The following WDPCP variants were observed in gnomAD, a reference collection of about 807,000 sequenced individuals.
The protein encoded by WDPCP is WD repeat containing planar cell polarity effector, also known as WD repeat-containing and planar cell polarity effector protein fritz homolog.
A neutral mutation model predicts 93.1 loss-of-function variants in WDPCP; 71 were observed. The ratio of observed to expected loss-of-function variants is 0.76; its 90% CI spans 0.63 to 0.93. WDPCP has a LOEUF of 0.93. Among genes scored for constraint, WDPCP ranks in the 40% least tolerant of loss-of-function variants. The probability of loss-of-function intolerance (pLI) is 0.00; values close to 1 mark genes in which losing one functional copy is unlikely to be tolerated. For synonymous variants in WDPCP, 315 were observed against 315.0 expected, an observed-to-expected ratio of 1.00 and a Z score of 0.00; for missense variants, 844 against 887.4, an observed-to-expected ratio of 0.95 and a Z score of 0.62.
At chr2:63,460,102 G>A (rs1207879450) in intron 6 of WDPCP, among the ~76,000 whole-genome samples, 2 of 152,070 alleles carry the variant, frequency 1.3e-5, no homozygotes, top group African/African-American at 4.8e-5. Context: ...TCAACAGATC[G>A]ATGAATAAAG....
At chr2:63,263,378 C>T (rs1290636287) in intron 13 of WDPCP, among the ~76,000 whole-genome samples, 2 of 152,166 alleles carry the variant, frequency 1.3e-5, no homozygotes, top group Non-Finnish European at 2.9e-5. Flanking sequence ...CCATCATGAA[C>T]AAATTAATGC....
chr2:63,157,711 C>T (rs149519356), intron 15 of WDPCP, among the ~76,000 whole-genome samples: 47 of 152,152 alleles, frequency 3.1e-4, no homozygotes, highest in South Asian at 1.0e-3. Flanking sequence ...TACTTAATGT[C>T]GGTAAAGTTT....
chr2:63,720,432 C>A (rs867272781), intron 2 of WDPCP, among the ~76,000 whole-genome samples: 1,790 of 143,528 alleles, frequency 0.012, 16 homozygotes, highest in Non-Finnish European at 0.013. Context: ...AAAAAAAAAA[C>A]AAAACAAAAC....
intron 2 of WDPCP, among the ~76,000 whole-genome samples, chr2:63,787,504 G>A (rs1018098290): frequency 6.6e-6 from 1 of 151,992 alleles, no homozygotes; most frequent in African/African-American, 2.4e-5. Flanking sequence ...AAAATTTAAG[G>A]GCCTCATTAA....
intron 17 of WDPCP, among the ~76,000 whole-genome samples, chr2:63,127,535 A>T (rs1446560668): frequency 6.6e-6 from 1 of 151,824 alleles, no homozygotes; most frequent in African/African-American, 2.4e-5. Context: ...AAATTGATAA[A>T]CTTATGATAG....
At chr2:63,218,081 A>C (rs1307059558) in intron 14 of WDPCP, among the ~76,000 whole-genome samples, 1 of 152,190 alleles carries the variant, frequency 6.6e-6, no homozygotes, top group Non-Finnish European at 1.5e-5. Flanking sequence ...ATGAGAATTC[A>C]ATTTGATAAT....
At chr2:63,214,747 C>T (rs1677166443) in intron 14 of WDPCP, among the ~76,000 whole-genome samples, 1 of 152,178 alleles carries the variant, frequency 6.6e-6, no homozygotes, top group Admixed American at 6.5e-5. Context: ...CGAATATCTC[C>T]TTAAGCTGAT....
chr2:63,732,428 G>A (rs975299093), intron 2 of WDPCP, among the ~76,000 whole-genome samples: 3 of 152,092 alleles, frequency 2.0e-5, no homozygotes, highest in South Asian at 2.1e-4. Context: ...TATAGAAGAG[G>A]GGTATCTTTC....
chr2:63,692,138 A>G (rs1480552223), intron 2 of WDPCP, among the ~76,000 whole-genome samples: 1 of 152,190 alleles, frequency 6.6e-6, no homozygotes, highest in Non-Finnish European at 1.5e-5. Context: ...TGATTTTGTT[A>G]GAGCCTTACA....
intron 2 of WDPCP, among the ~76,000 whole-genome samples, chr2:63,783,194 G>A (rs1044091194): frequency 3.3e-5 from 5 of 151,764 alleles, no homozygotes; most frequent in African/African-American, 4.8e-5. Flanking sequence ...GGAAAATCAC[G>A]TGAGGCCAGG....
chr2:63,780,785 A>C (rs1379970936), intron 2 of WDPCP, among the ~76,000 whole-genome samples: 1 of 152,178 alleles, frequency 6.6e-6, no homozygotes, highest in Non-Finnish European at 1.5e-5. Flanking sequence ...AACAACATTT[A>C]TTATGGTAAC....
Position 63,484,593 on chromosome 2 carries a change from A to G in WDPCP, c.384+11T>C. On this transcript the variant is annotated intron_variant, in intron 6 of 17. Coordinates refer to ENST00000272321, the MANE Select transcript of WDPCP (RefSeq NM_015910.7). The stretch of plus-strand genomic sequence containing the variant: ...GGTTAAACACTGCAAAGGCTTGTCA[A>G]ATCATTTTACCTGACAGACATATTT... 2.5e-6 allele frequency: 4 copies of G among 1,612,718 alleles called. No individual in the cohort carries two copies. The highest frequency in any genetic ancestry group is 3.4e-6 in the Non-Finnish European group (4 of 1,179,094).
At chr2:63,274,280 A>T (rs948525062) in intron 13 of WDPCP, among the ~76,000 whole-genome samples, 2 of 152,230 alleles carry the variant, frequency 1.3e-5, no homozygotes, top group South Asian at 2.1e-4. Context: ...AGAAGGAAAT[A>T]AAAAAATGAA....
intron 15 of WDPCP, among the ~76,000 whole-genome samples, chr2:63,157,150 A>T (rs1672317385): frequency 6.6e-6 from 1 of 151,662 alleles, no homozygotes; most frequent in Non-Finnish European, 1.5e-5. Flanking sequence ...TATTGCTAAA[A>T]TTGTGGATTA....
intron 12 of WDPCP, among the ~76,000 whole-genome samples, chr2:63,362,902 C>G (rs1472518136): frequency 6.6e-6 from 1 of 152,060 alleles, no homozygotes; most frequent in South Asian, 2.1e-4. Flanking sequence ...TTCAGTTTCC[C>G]TATAACATGA....
At chr2:63,343,744 G>A (rs1172818843) in intron 12 of WDPCP, among the ~76,000 whole-genome samples, 1 of 151,792 alleles carries the variant, frequency 6.6e-6, no homozygotes, top group Admixed American at 6.6e-5. Flanking sequence ...CATTTCAATT[G>A]TCCTATTTTC....
chr2:63,264,683 T>C (rs1681951752), intron 13 of WDPCP, among the ~76,000 whole-genome samples: 1 of 151,862 alleles, frequency 6.6e-6, no homozygotes, highest in Non-Finnish European at 1.5e-5. Context: ...AAAGAGAAAA[T>C]CAATGAGGAG....
intron 2 of WDPCP, among the ~76,000 whole-genome samples, chr2:63,805,898 T>C (rs1014723656): frequency 6.6e-6 from 1 of 152,066 alleles, no homozygotes; most frequent in Non-Finnish European, 1.5e-5. Context: ...GGCAAGCAAA[T>C]TGCTTGTGTC....
intron 2 of WDPCP, among the ~76,000 whole-genome samples, chr2:63,678,452 C>T (rs1575745438): frequency 6.6e-6 from 1 of 152,170 alleles, no homozygotes; most frequent in Non-Finnish European, 1.5e-5. Flanking sequence ...TTTCCAGCCT[C>T]TAATGCACAG....
Sources: gnomAD v4.1 joint callset for allele counts (sites outside exome capture counted in the v4.1 genomes callset) on GRCh38, gnomAD v4.1.1 for gene constraint, MANE v1.5 for transcripts, NCBI Gene and HGNC (gene_info 2026-07-23, HGNC 2026-07-21) for gene names.